The following CTNND2 variants were observed in gnomAD, a reference collection of about 807,000 sequenced individuals.
The protein encoded by CTNND2 is catenin delta-2.
A neutral mutation model predicts 144.4 loss-of-function variants in CTNND2; 22 were observed. That is an observed-to-expected ratio of 0.15 (90% CI 0.11 to 0.22). The LOEUF (loss-of-function observed/expected upper bound fraction) is 0.22, where lower values mean the gene tolerates loss of function less well. CTNND2 is among the 10% of genes least tolerant of loss of function. The probability of loss-of-function intolerance (pLI) is 1.00; values close to 1 mark genes in which losing one functional copy is unlikely to be tolerated. For synonymous variants in CTNND2, 751 were observed against 695.6 expected, an observed-to-expected ratio of 1.08 and a Z score of -1.25; for missense variants, 1,353 against 1,618.8, an observed-to-expected ratio of 0.84 and a Z score of 2.82.
chr5:11,903,711 G>T lies in CTNND2; in HGVS notation c.37+106C>A, dbSNP rs962671729. 8.5e-7 allele frequency: 1 copy of T among 1,182,198 alleles called. No individual in the cohort carries two copies. The highest frequency in any genetic ancestry group is 1.1e-6 in the Non-Finnish European group (1 of 900,476). 73.2% of individuals were successfully genotyped at this position (1,182,198 alleles called of 1,614,324 possible). On this transcript the variant is annotated intron_variant, in intron 1 of 21. Coordinates refer to ENST00000304623, the MANE Select transcript of CTNND2 (RefSeq NM_001332.4). The surrounding 1 kb of genome is among the most constrained non-coding windows in gnomAD (Gnocchi z 5.4). Reference sequence around the variant, plus strand: ...AAACCCCGCAGCAGCCGCCGCCGCCGCCTGCCGGCCGGGAGCCCAGGACCA... The same window carrying T: ...AAACCCCGCAGCAGCCGCCGCCGCCTCCTGCCGGCCGGGAGCCCAGGACCA...
chr5:11,307,304 AGTGTGTGTGTGTGTGT>A lies in CTNND2; in HGVS notation c.1628+39052_1628+39067del, dbSNP rs3033112. 1.8e-4 allele frequency among the ~76,000 whole-genome samples: 26 copies of A among 146,526 alleles called. No homozygotes were observed. The East Asian group carries it at 4.1e-3, about 23-fold the overall frequency. ...AATATCCAAACCACAAAGGTAGAGT[AGTGTGTGTGTGTGTGT>A]GTGTGTGTGTGTGTGTGTGTGTGTA... is the stretch of plus-strand genomic sequence containing the variant. On this transcript the variant is annotated intron_variant, in intron 9 of 21. Coordinates refer to ENST00000304623, the MANE Select transcript of CTNND2 (RefSeq NM_001332.4).
At chr5:11,767,371 AT>A in intron 1 of CTNND2, among the ~76,000 whole-genome samples, 1 of 152,256 alleles carries the variant, frequency 6.6e-6, no homozygotes, top group Middle Eastern at 3.4e-3. Context: ...GCATGTGTCT[AT>A]GCCTCCATCT....
At chr5:11,864,658 G>C (rs181489777) in intron 1 of CTNND2, among the ~76,000 whole-genome samples, 1 of 152,056 alleles carries the variant, frequency 6.6e-6, no homozygotes, top group Non-Finnish European at 1.5e-5. Flanking sequence ...TGTGTTGTAG[G>C]GGGGCTCTCC....
chr5:11,328,748 G>A (rs984916249), intron 9 of CTNND2, among the ~76,000 whole-genome samples: 6 of 152,162 alleles, frequency 3.9e-5, no homozygotes, highest in African/African-American at 7.2e-5. Flanking sequence ...TTATTGCGAA[G>A]TCCCACTTCA....
At chr5:11,738,670 G>T (rs1787833545) in intron 1 of CTNND2, among the ~76,000 whole-genome samples, 1 of 152,126 alleles carries the variant, frequency 6.6e-6, no homozygotes. Flanking sequence ...TACACATCAA[G>T]ACATGGTCAT....
At chr5:11,208,531 CT>C (rs1159243809) in intron 10 of CTNND2, among the ~76,000 whole-genome samples, 1 of 152,116 alleles carries the variant, frequency 6.6e-6, no homozygotes, top group Non-Finnish European at 1.5e-5. Context: ...GTTTACAAGA[CT>C]TTAGGATTTC....
intron 12 of CTNND2, among the ~76,000 whole-genome samples, chr5:11,157,326 T>C (rs1256982067): frequency 6.6e-6 from 1 of 152,236 alleles, no homozygotes. Flanking sequence ...CATTGCATCA[T>C]TTCTATGTTT....
At chr5:11,260,633 C>G (rs1744764998) in intron 9 of CTNND2, among the ~76,000 whole-genome samples, 1 of 152,228 alleles carries the variant, frequency 6.6e-6, no homozygotes, top group East Asian at 1.9e-4. Context: ...AGAACCCACT[C>G]TCACAATAAT....
At chr5:11,483,071 G>A (rs538528115) in intron 3 of CTNND2, among the ~76,000 whole-genome samples, 75 of 152,222 alleles carry the variant, frequency 4.9e-4, no homozygotes, top group Non-Finnish European at 7.2e-4. Flanking sequence ...CTGCTATTGA[G>A]GTGATTTTGC....
intron 3 of CTNND2, among the ~76,000 whole-genome samples, chr5:11,547,362 T>C (rs921206945): frequency 1.3e-5 from 2 of 150,896 alleles, no homozygotes; most frequent in Non-Finnish European, 3.0e-5. Context: ...GAATAAATAA[T>C]GGGAAATTAT....
At position 11,903,688 on chromosome 5, in the gene CTNND2, AC is replaced by A; in HGVS notation, c.37+128del. The A allele has an allele frequency of 1.0e-6, 1 of 1,004,294 alleles. No individual in the cohort carries two copies. Among genetic ancestry groups the A allele is most frequent in the Non-Finnish European group, 1.3e-6 (1 of 744,078 alleles). The allele number at this position is 1,004,294 out of a possible 1,614,324, so 62.2% of individuals were successfully genotyped here. A position where few individuals can be genotyped will look rare whatever the true frequency, so the allele number is the denominator to read the frequency against. ...GCGGTCCTCCCCGAGGCAGGCAGAA[AC>A]CCCGCAGCAGCCGCCGCCGCCGCCT... On this transcript the variant is annotated intron_variant, in intron 1 of 21. Transcript: ENST00000304623. This position sits in a 1 kb window ranked among gnomAD's most constrained non-coding sequence, Gnocchi z 5.4.
At chr5:11,663,443 C>A (rs1459716161) in intron 2 of CTNND2, among the ~76,000 whole-genome samples, 1 of 152,000 alleles carries the variant, frequency 6.6e-6, no homozygotes, top group African/African-American at 2.4e-5. Flanking sequence ...ATGAGTAGAA[C>A]AGAGATATTC....
At chr5:11,547,338 C>T (rs1775341187) in intron 3 of CTNND2, among the ~76,000 whole-genome samples, 1 of 150,962 alleles carries the variant, frequency 6.6e-6, no homozygotes, top group South Asian at 2.1e-4. Flanking sequence ...AAAGATATAG[C>T]TTTACAATTC....
At chr5:11,507,922 T>C (rs1379681408) in intron 3 of CTNND2, among the ~76,000 whole-genome samples, 2 of 151,958 alleles carry the variant, frequency 1.3e-5, no homozygotes, top group East Asian at 1.9e-4. Context: ...TTGAATGGGC[T>C]GAACTCCAGC....
At chr5:11,792,380 T>A (rs1791182364) in intron 1 of CTNND2, among the ~76,000 whole-genome samples, 1 of 152,200 alleles carries the variant, frequency 6.6e-6, no homozygotes, top group Admixed American at 6.5e-5. Flanking sequence ...TTAGCATAAA[T>A]TTGTAACTAG....
At chr5:11,611,068 A>T (rs192673370) in intron 2 of CTNND2, among the ~76,000 whole-genome samples, 1 of 152,274 alleles carries the variant, frequency 6.6e-6, no homozygotes, top group African/African-American at 2.4e-5. Flanking sequence ...AGGTAATTTA[A>T]TCATGCGGAC....
intron 1 of CTNND2, among the ~76,000 whole-genome samples, chr5:11,814,291 T>C (rs755951448): frequency 7.9e-5 from 12 of 152,334 alleles, no homozygotes; most frequent in East Asian, 7.7e-4. Flanking sequence ...ATGAATCTCA[T>C]ATATAAAACT....
chr5:11,194,508 A>C (rs1736658470), intron 11 of CTNND2, among the ~76,000 whole-genome samples: 1 of 152,200 alleles, frequency 6.6e-6, no homozygotes, highest in Non-Finnish European at 1.5e-5. Flanking sequence ...TAAGACACTT[A>C]AAAGACTCCC....
intron 3 of CTNND2, among the ~76,000 whole-genome samples, chr5:11,562,312 A>G (rs6867307): frequency 0.014 from 2,143 of 152,264 alleles, 18 homozygotes; most frequent in Non-Finnish European, 0.023. Context: ...TTGACGTTCT[A>G]TTTTTGTTTA....
Sources: allele counts gnomAD v4.1 joint callset (sites outside exome capture counted in the v4.1 genomes callset), GRCh38; gene constraint gnomAD v4.1.1; non-coding constraint Gnocchi (gnomAD v3.1); transcripts MANE v1.5; gene names NCBI Gene and HGNC (gene_info 2026-07-23, HGNC 2026-07-21).